KLRD1: variants seen among roughly 807,000 people sequenced by gnomAD.
KLRD1 encodes natural killer cells antigen CD94.
KLRD1 carries 21 observed loss-of-function variants against 22.6 expected under a neutral mutation model. The ratio of observed to expected loss-of-function variants is 0.93; its 90% CI spans 0.66 to 1.34. KLRD1 has a LOEUF of 1.34. KLRD1 is among the 40% of genes most tolerant of loss of function. The pLI is 0.00. For missense variants in KLRD1, 183 were observed against 208.6 expected (o/e 0.88, Z 0.76); for synonymous variants, 59 against 71.1 (o/e 0.83, Z 0.85).
At chr12:10,240,910 C>T (rs150520930) in intron 1 of KLRD1, among the ~76,000 whole-genome samples, 1 of 152,260 alleles carries the variant, frequency 6.6e-6, no homozygotes, top group East Asian at 1.9e-4. Context: ...GGGTTTTCCA[C>T]AGTCTTGATT....
In KLRD1 at chr12:10,321,165, T is replaced by C. The variant is rs1170797173; in HGVS notation, c.*6372T>C. On this transcript the variant is annotated 3_prime_UTR_variant, in exon 6 of 6. Transcript: ENST00000336164. ...TGCTATGCTAGATTTTAAATTATTA[T>C]GCATCAGTGACTCCTTTGTAATTCT... 2.0e-5 allele frequency: 3 copies of C among 151,986 alleles called. No individual in the cohort carries two copies. The highest frequency in any genetic ancestry group is 6.5e-5 in the Admixed American group (1 of 15,272). 9.4% of individuals were successfully genotyped at this position (151,986 alleles called of 1,614,324 possible).
intron 1 of KLRD1, among the ~76,000 whole-genome samples, chr12:10,253,090 C>T (rs1235207779): frequency 6.6e-6 from 1 of 151,798 alleles, no homozygotes; most frequent in Non-Finnish European, 1.5e-5. Context: ...TTATAATGTA[C>T]ATGTAAGTAG....
At chr12:10,269,913 C>G (rs1949533916) in intron 1 of KLRD1, among the ~76,000 whole-genome samples, 1 of 152,008 alleles carries the variant, frequency 6.6e-6, no homozygotes, top group Admixed American at 6.5e-5. Flanking sequence ...ATATCTTGAT[C>G]ATTCTTTCAT....
rs1384165433 is a variant in KLRD1 at position 10,323,964 on chromosome 12, T to TGG, written c.*9171_*9172insGG. ...GCAACCTTCACCACCTGGGTTCAAG[T>TGG]TATTCTCATGCCTCAGCCTCCCCAG... is the stretch of plus-strand genomic sequence containing the variant. On this transcript the variant is annotated 3_prime_UTR_variant, in exon 6 of 6. Coordinates refer to ENST00000336164, the MANE Select transcript of KLRD1 (RefSeq NM_002262.5). 3.4e-5 allele frequency: 5 copies of TGG among 149,156 alleles called. No individual in the cohort carries two copies. Among genetic ancestry groups the TGG allele is most frequent in the Non-Finnish European group, 7.4e-5 (5 of 67,432 alleles). 9.2% of individuals were successfully genotyped at this position (149,156 alleles called of 1,614,324 possible). A position where few individuals can be genotyped will look rare whatever the true frequency, so the allele number is the denominator to read the frequency against.
chr12:10,310,976 A>C (rs1226735252), intron 3 of KLRD1, among the ~76,000 whole-genome samples: 3 of 152,220 alleles, frequency 2.0e-5, no homozygotes, highest in Non-Finnish European at 4.4e-5. Context: ...TTCAAAAATA[A>C]GATATCCAAA....
At chr12:10,243,607 CAAAAAAAAAAAAA>C (rs34864670) in intron 1 of KLRD1, among the ~76,000 whole-genome samples, 5 of 28,794 alleles carry the variant, frequency 1.7e-4, no homozygotes, top group Non-Finnish European at 2.1e-4. Flanking sequence ...AGTGAGACTC[CAAAAAAAAAAAAA>C]AAAAAAAAAA....
upstream of KLRD1, among the ~76,000 whole-genome samples, chr12:10,300,538 T>C (rs1289402630): frequency 6.6e-6 from 1 of 152,232 alleles, no homozygotes; most frequent in Non-Finnish European, 1.5e-5. Context: ...GTTTATTCAC[T>C]TGTAGAACTC....
In KLRD1 at chr12:10,318,893, C is replaced by G. The variant is rs1950283314; in HGVS notation, c.*4100C>G. 1 of 145,634 alleles carries G rather than the reference C, an allele frequency of 6.9e-6. No homozygotes were observed. Among genetic ancestry groups the G allele is most frequent in the African/African-American group, 2.6e-5 (1 of 38,850 alleles). The allele number at this position is 145,634 out of a possible 1,614,324, so 9.0% of individuals were successfully genotyped here. Reference sequence around the variant, plus strand: ...CTTTTCATAAGTATGCTCATTAGAACCTTATAATTCATTTCAGTTATCTAC... The same window carrying G: ...CTTTTCATAAGTATGCTCATTAGAAGCTTATAATTCATTTCAGTTATCTAC... On this transcript the variant is annotated 3_prime_UTR_variant, in exon 6 of 6. Coordinates refer to ENST00000336164, the MANE Select transcript of KLRD1 (RefSeq NM_002262.5).
chr12:10,301,315 C>T (rs894863797), upstream of KLRD1, among the ~76,000 whole-genome samples: 16 of 152,036 alleles, frequency 1.1e-4, no homozygotes, highest in Non-Finnish European at 2.1e-4. Context: ...TGAGGTTGTT[C>T]TTTAGGTTCT....
Position 10,313,522 on chromosome 12 carries a change from C to T in KLRD1, c.419+9C>T. The T allele has an allele frequency of 6.6e-7, 1 of 1,509,694 alleles. No individual in the cohort carries two copies. The highest frequency in any genetic ancestry group is 2.0e-5 in the Admixed American group (1 of 49,548). 93.5% of individuals were successfully genotyped at this position (1,509,694 alleles called of 1,614,324 possible). A position where few individuals can be genotyped will look rare whatever the true frequency, so the allele number is the denominator to read the frequency against. On this transcript the variant is annotated intron_variant, in intron 5 of 5. Transcript: ENST00000336164. ...GCACTCTCCCAGTATCTGTAAGTTTCTGGCAATCATGGCGTTTTTTGCTCT... is the reference window on the plus strand; with the variant it reads ...GCACTCTCCCAGTATCTGTAAGTTTTTGGCAATCATGGCGTTTTTTGCTCT...
At chr12:10,246,099 A>G (rs1012693075) in intron 1 of KLRD1, among the ~76,000 whole-genome samples, 1 of 152,220 alleles carries the variant, frequency 6.6e-6, no homozygotes, top group Non-Finnish European at 1.5e-5. Flanking sequence ...AAATTTTATA[A>G]TATCCCTAGG....
In KLRD1 at chr12:10,323,410, A is replaced by C. The variant is rs1238351771; in HGVS notation, c.*8617A>C. ...TGTACATTTAATTTCCATCTTCCAA[A>C]TGAATAATGATGCTTATCCCTCATC... On this transcript the variant is annotated 3_prime_UTR_variant, in exon 6 of 6. Coordinates refer to ENST00000336164, the MANE Select transcript of KLRD1 (RefSeq NM_002262.5). The C allele has an allele frequency of 6.8e-6, 1 of 147,138 alleles. No homozygotes were observed. The highest frequency in any genetic ancestry group is 1.5e-5 in the Non-Finnish European group (1 of 66,698). 9.1% of individuals were successfully genotyped at this position (147,138 alleles called of 1,614,324 possible).
intron 1 of KLRD1, among the ~76,000 whole-genome samples, chr12:10,244,215 T>A (rs2137611919): frequency 6.6e-6 from 1 of 152,222 alleles, no homozygotes; most frequent in Non-Finnish European, 1.5e-5. Context: ...TATGATTTTG[T>A]TGTTGAAACT....
chr12:10,301,132 T>G (rs1333402561), upstream of KLRD1, among the ~76,000 whole-genome samples: 1 of 152,208 alleles, frequency 6.6e-6, no homozygotes, highest in Non-Finnish European at 1.5e-5. Flanking sequence ...AAAATCCAAC[T>G]AGGCTTGCAG....
At chr12:10,253,048 T>G (rs1592027197) in intron 1 of KLRD1, among the ~76,000 whole-genome samples, 2 of 152,286 alleles carry the variant, frequency 1.3e-5, no homozygotes, top group East Asian at 1.9e-4. Context: ...ATGCTTTTAA[T>G]ATTTTTTTAT....
rs1452069239 is a variant in KLRD1, at chr12:10,321,835, CT to C, written c.*7044del. On this transcript the variant is annotated 3_prime_UTR_variant, in exon 6 of 6. Coordinates refer to ENST00000336164, the MANE Select transcript of KLRD1 (RefSeq NM_002262.5). ...TTCAACTCTTCAGCCAGTGTCAAGC[CT>C]TAGAAAATACAACCCAACCTACATT... 6.6e-6 allele frequency: 1 copy of C among 152,168 alleles called. No homozygotes were observed. The highest frequency in any genetic ancestry group is 2.4e-5 in the African/African-American group (1 of 41,416). The allele number at this position is 152,168 out of a possible 1,614,324, so 9.4% of individuals were successfully genotyped here.
chr12:10,286,419 A>G (rs1949703238), intron 1 of KLRD1, among the ~76,000 whole-genome samples: 1 of 152,162 alleles, frequency 6.6e-6, no homozygotes, highest in Non-Finnish European at 1.5e-5. Flanking sequence ...TATTTCCAAT[A>G]AACTATTTAG....
chr12:10,266,865 C>CTTTT (rs148285255), intron 1 of KLRD1, among the ~76,000 whole-genome samples: 3 of 142,528 alleles, frequency 2.1e-5, no homozygotes, highest in Admixed American at 7.0e-5. Flanking sequence ...AGCCTTATTT[C>CTTTT]TTTTTTTTGT....
rs750696767 is a variant in KLRD1, at chr12:10,324,818, G to GTGTATGTATATATATA, written c.*10026_*10027insGTATGTATATATATAT. On this transcript the variant is annotated 3_prime_UTR_variant, in exon 6 of 6. Coordinates refer to ENST00000336164, the MANE Select transcript of KLRD1 (RefSeq NM_002262.5). ...AGTATATATGTATATGTGTGTGTGT[G>GTGTATGTATATATATA]TATATATATATATATATATATATAT... 1.3e-5 allele frequency: 1 copy of GTGTATGTATATATATA among 74,144 alleles called. No individual in the cohort carries two copies. Among genetic ancestry groups the GTGTATGTATATATATA allele is most frequent in the Non-Finnish European group, 2.7e-5 (1 of 37,694 alleles). The allele number at this position is 74,144 out of a possible 1,614,324, so 4.6% of individuals were successfully genotyped here. A position where few individuals can be genotyped will look rare whatever the true frequency, so the allele number is the denominator to read the frequency against.
Sources: gnomAD v4.1 joint callset for allele counts (sites outside exome capture counted in the v4.1 genomes callset) on GRCh38, gnomAD v4.1.1 for gene constraint, MANE v1.5 for transcripts, NCBI Gene and HGNC (gene_info 2026-07-23, HGNC 2026-07-21) for gene names.